Variants in PPFIA2 observed in about 807,000 individuals in gnomAD.
The protein encoded by PPFIA2 is liprin-alpha-2.
Under a neutral mutation model 175.5 loss-of-function variants are expected in PPFIA2, and 46 were observed. The ratio of observed to expected loss-of-function variants is 0.26; its 90% CI spans 0.21 to 0.34. The LOEUF is 0.34. Among genes scored for constraint, PPFIA2 ranks in the 10% least tolerant of loss-of-function variants. PPFIA2 has a pLI of 1.00. For synonymous variants in PPFIA2, 568 were observed against 511.4 expected, an observed-to-expected ratio of 1.11 and a Z score of -1.49; for missense variants, 1,179 against 1,506.1, an observed-to-expected ratio of 0.78 and a Z score of 3.60.
intron 4 of PPFIA2, among the ~76,000 whole-genome samples, chr12:81,530,991 C>T (rs2064456621): frequency 6.6e-6 from 1 of 151,750 alleles, no homozygotes; most frequent in African/African-American, 2.4e-5. Context: ...TATCTGATTT[C>T]CCTTTTAATT....
chr12:81,272,090 T>C (rs750972254), intron 28 of PPFIA2, among the ~76,000 whole-genome samples: 1 of 152,198 alleles, frequency 6.6e-6, no homozygotes, highest in African/African-American at 2.4e-5. Flanking sequence ...AGTTATATTA[T>C]GTTGCGCCAT....
chr12:81,465,777 A>G (rs1241536292), intron 4 of PPFIA2, among the ~76,000 whole-genome samples: 3 of 152,154 alleles, frequency 2.0e-5, no homozygotes, highest in East Asian at 3.8e-4. Flanking sequence ...ACAAAAAGAT[A>G]ATATATTTCT....
At chr12:81,661,863 T>C (rs965015972) in intron 4 of PPFIA2, among the ~76,000 whole-genome samples, 1 of 152,026 alleles carries the variant, frequency 6.6e-6, no homozygotes, top group Middle Eastern at 3.2e-3. Context: ...CAGACCACAG[T>C]GCAATCAAAC....
intron 24 of PPFIA2, among the ~76,000 whole-genome samples, chr12:81,289,141 A>G (rs1187575227): frequency 6.6e-6 from 1 of 151,814 alleles, no homozygotes. Context: ...GTGAGAGTCA[A>G]ATGGGCTATT....
At chr12:81,732,112 T>C (rs1171988652) in intron 3 of PPFIA2, among the ~76,000 whole-genome samples, 2 of 151,536 alleles carry the variant, frequency 1.3e-5, no homozygotes, top group Non-Finnish European at 3.0e-5. Context: ...GCTCAGAAAA[T>C]GTATCACCAC....
At chr12:81,692,913 G>A (rs935528788) in intron 3 of PPFIA2, among the ~76,000 whole-genome samples, 6 of 151,926 alleles carry the variant, frequency 3.9e-5, no homozygotes, top group African/African-American at 7.3e-5. Flanking sequence ...ATTCTATGAC[G>A]AAAAAGCAGT....
chr12:81,469,633 T>C (rs1391231401), intron 4 of PPFIA2, among the ~76,000 whole-genome samples: 1 of 152,214 alleles, frequency 6.6e-6, no homozygotes, highest in African/African-American at 2.4e-5. Context: ...CAGAAATACA[T>C]AGAGGTAAAT....
chr12:81,267,891 C>G (rs1322334337), intron 29 of PPFIA2, 21 bp downstream of exon 29: 1 of 1,571,344 alleles, frequency 6.4e-7, no homozygotes, highest in Admixed American at 1.8e-5. Flanking sequence ...CACATTGAGA[C>G]TACAGCAGAA....
chr12:81,374,092 T>C (rs2035821046), intron 11 of PPFIA2, among the ~76,000 whole-genome samples: 1 of 152,006 alleles, frequency 6.6e-6, no homozygotes, highest in African/African-American at 2.4e-5. Context: ...ATACAGAAAA[T>C]TTTGAACACT....
At chr12:81,479,959 G>A (rs1593660112) in intron 4 of PPFIA2, among the ~76,000 whole-genome samples, 1 of 152,082 alleles carries the variant, frequency 6.6e-6, no homozygotes, top group Non-Finnish European at 1.5e-5. Context: ...GGCCTGTCTT[G>A]CTAGGTTGGG....
At chr12:81,576,675 G>A (rs2073613381) in intron 4 of PPFIA2, among the ~76,000 whole-genome samples, 1 of 151,768 alleles carries the variant, frequency 6.6e-6, no homozygotes, top group Non-Finnish European at 1.5e-5. Flanking sequence ...AATGTCTTTA[G>A]AATGCATACA....
intron 4 of PPFIA2, among the ~76,000 whole-genome samples, chr12:81,489,033 A>G (rs561793049): frequency 2.6e-4 from 39 of 151,980 alleles, no homozygotes; most frequent in South Asian, 1.5e-3. Context: ...CCAATGCCCA[A>G]CTTTTCTTGG....
At chr12:81,506,660 T>C (rs978683380) in intron 4 of PPFIA2, among the ~76,000 whole-genome samples, 1 of 152,236 alleles carries the variant, frequency 6.6e-6, no homozygotes, top group Non-Finnish European at 1.5e-5. Context: ...TGACAGAATA[T>C]TCTAGGTATT....
chr12:81,353,307 T>A lies in PPFIA2; in HGVS notation c.1806A>T (p.Arg602Ser). 2 of 1,613,404 alleles carry A rather than the reference T, an allele frequency of 1.2e-6. No homozygotes were observed. Among genetic ancestry groups the A allele is most frequent in the Non-Finnish European group, 1.7e-6 (2 of 1,179,516 alleles). ...VKSLGDHEWNRTQQIGVLSSH... is the reference protein window; with the variant it reads ...VKSLGDHEWNSTQQIGVLSSH... The stretch of plus-strand genomic sequence containing the variant: ...TGCTTAGTACTCCAATCTGTTGAGT[T>A]CTATTCCACTCGTGATCCCCAAGAG... Residue 602 changes from arginine (R) to serine (S), a missense_variant, in exon 17 of 33, where the codon AGA becomes AGT. By Grantham distance (110) the Arg-to-Ser change is moderately radical (BLOSUM62 -1). Coordinates refer to ENST00000549396, the MANE Select transcript of PPFIA2 (RefSeq NM_003625.5).
chr12:81,606,407 C>T (rs1232784464), intron 4 of PPFIA2, among the ~76,000 whole-genome samples: 21 of 152,084 alleles, frequency 1.4e-4, no homozygotes, highest in Admixed American at 1.4e-3. Context: ...CTGCTTTTTA[C>T]AGTGGCTGAA....
chr12:81,723,280 C>G (rs1333326301), intron 3 of PPFIA2, among the ~76,000 whole-genome samples: 1 of 150,988 alleles, frequency 6.6e-6, no homozygotes, highest in Non-Finnish European at 1.5e-5. Flanking sequence ...ATAAAGGGGA[C>G]ACAGTTTGCC....
chr12:81,660,641 G>T (rs988668562), intron 4 of PPFIA2, among the ~76,000 whole-genome samples: 1 of 152,188 alleles, frequency 6.6e-6, no homozygotes, highest in African/African-American at 2.4e-5. Flanking sequence ...TTATCCAGGA[G>T]AACTTCCCCA....
chr12:81,640,540 C>A (rs2064822058), intron 4 of PPFIA2, among the ~76,000 whole-genome samples: 1 of 152,100 alleles, frequency 6.6e-6, no homozygotes, highest in African/African-American at 2.4e-5. Context: ...AACTTTTCAA[C>A]TATCTTCTTG....
At chr12:81,619,898 G>T (rs2061838284) in intron 4 of PPFIA2, among the ~76,000 whole-genome samples, 1 of 152,032 alleles carries the variant, frequency 6.6e-6, no homozygotes, top group Admixed American at 6.6e-5. Flanking sequence ...GGTGGCTCAC[G>T]CCTGTAATCC....
Sources: allele counts gnomAD v4.1 joint callset (sites outside exome capture counted in the v4.1 genomes callset), GRCh38; gene constraint gnomAD v4.1.1; transcripts MANE v1.5; gene names NCBI Gene and HGNC (gene_info 2026-07-23, HGNC 2026-07-21).